DISP1: variants seen among roughly 807,000 people sequenced by gnomAD.
DISP1 encodes the protein dispatched RND transporter family member 1, also known as protein dispatched homolog 1.
In DISP1, 30 loss-of-function variants were observed where a neutral mutation model predicts 37.3. The ratio of observed to expected loss-of-function variants is 0.80; its 90% CI spans 0.60 to 1.09. The LOEUF (loss-of-function observed/expected upper bound fraction) is 1.09, where lower values mean the gene tolerates loss of function less well. Among genes scored for constraint, DISP1 ranks in the 50% least tolerant of loss-of-function variants. The pLI is 0.00. For synonymous variants in DISP1, 634 were observed against 690.2 expected (o/e 0.92, Z 1.28); for missense variants, 1,598 against 1,879.5 (o/e 0.85, Z 2.77).
chr1:222,977,782 A>G (rs1227043071), intron 3 of DISP1, among the ~76,000 whole-genome samples: 2 of 151,684 alleles, frequency 1.3e-5, no homozygotes, highest in African/African-American at 4.8e-5. Context: ...GAGAACATGC[A>G]GTGTTTGGTT....
intron 1 of DISP1, among the ~76,000 whole-genome samples, chr1:222,882,206 A>T (rs563838332): frequency 6.6e-6 from 1 of 152,176 alleles, no homozygotes; most frequent in Non-Finnish European, 1.5e-5. Flanking sequence ...TGTTTACCAT[A>T]TGTATTCATG....
At chr1:222,969,370 C>CAAAAAAAAAAAAAAAAA (rs71178518) in intron 3 of DISP1, among the ~76,000 whole-genome samples, 7 of 29,870 alleles carry the variant, frequency 2.3e-4, no homozygotes, top group South Asian at 2.0e-3. Context: ...AACTTGGTCT[C>CAAAAAAAAAAAAAAAAA]AAAAAAAAAA....
intron 3 of DISP1, among the ~76,000 whole-genome samples, chr1:222,959,157 T>A (rs1375985828): frequency 1.3e-5 from 2 of 152,218 alleles, no homozygotes; most frequent in Admixed American, 6.5e-5. Context: ...AAGAATTTTT[T>A]AAAATTATGA....
chr1:222,936,579 CAT>C (rs1437419206), intron 2 of DISP1, among the ~76,000 whole-genome samples: 1 of 17,074 alleles, frequency 5.9e-5, no homozygotes, highest in Non-Finnish European at 1.2e-4. Context: ...TAATATATAT[CAT>C]ATATATGAGA....
intron 4 of DISP1, among the ~76,000 whole-genome samples, chr1:222,990,232 T>C (rs1250451705): frequency 6.6e-6 from 1 of 152,238 alleles, no homozygotes; most frequent in East Asian, 1.9e-4. Flanking sequence ...AAGACACTGA[T>C]TGGAGTATGG....
At chr1:222,942,607 C>G (rs1472670370) in intron 2 of DISP1, among the ~76,000 whole-genome samples, 200 bp from the exon 3 acceptor site, 2 of 151,910 alleles carry the variant, frequency 1.3e-5, no homozygotes, top group Non-Finnish European at 2.9e-5. Flanking sequence ...TTTTAAGGTG[C>G]CTAAAATAGC....
Position 223,005,251 on chromosome 1 carries a change from A to G in DISP1, c.3854A>G (p.His1285Arg), listed in dbSNP as rs1249332552. 6.2e-7 allele frequency: 1 copy of G among 1,613,768 alleles called. No homozygotes were observed. The highest frequency in any genetic ancestry group is 8.5e-7 in the Non-Finnish European group (1 of 1,179,992). ...TACAAACACTTGAACTATGGCCCACACTCTTGCCAGCAGATGGGGGACTGC... is the reference window on the plus strand; with the variant it reads ...TACAAACACTTGAACTATGGCCCACGCTCTTGCCAGCAGATGGGGGACTGC... Reference protein sequence around the residue: ...DAYKHLNYGPHSCQQMGDCLC... With the variant: ...DAYKHLNYGPRSCQQMGDCLC... The change falls in exon 9 of 9, where the codon CAC becomes CGC. Residue 1285 changes from histidine to arginine, a missense_variant. His to Arg is a conservative substitution (Grantham distance 29). Coordinates refer to ENST00000675850, the MANE Select transcript of DISP1 (RefSeq NM_001377229.1).
intron 1 of DISP1, among the ~76,000 whole-genome samples, chr1:222,877,074 GCTT>G (rs1322828920): frequency 2.0e-5 from 3 of 152,146 alleles, no homozygotes; most frequent in East Asian, 3.9e-4. Flanking sequence ...TTCTGTCTCT[GCTT>G]CTTCGTGATT....
At chr1:222,866,586 G>A (rs533604460) in intron 1 of DISP1, among the ~76,000 whole-genome samples, 82 of 152,050 alleles carry the variant, frequency 5.4e-4, no homozygotes, top group African/African-American at 1.9e-3. Context: ...CTTGTGATCC[G>A]CCCCACTAGG....
chr1:222,990,748 G>A lies in DISP1; in HGVS notation c.663G>A (p.Leu221=). The part of the protein sequence containing the change: ...PELPDFSDPL[L]GFEPRGTAIG... ...TCCCTGACTTCTCTGATCCATTGCT[G>A]GTAACTAACTTTTATGTTTTCTTTA... Residue 221 remains leucine (L), a splice_region_variant and synonymous_variant, in exon 5 of 9, where the codon CTG becomes CTA. Transcript: ENST00000675850. 6.2e-7 allele frequency: 1 copy of A among 1,613,836 alleles called. No individual in the cohort carries two copies. Among genetic ancestry groups the A allele is most frequent in the Non-Finnish European group, 8.5e-7 (1 of 1,179,900 alleles).
At chr1:222,840,721 C>G (rs1667555606) in intron 1 of DISP1, among the ~76,000 whole-genome samples, 1 of 148,782 alleles carries the variant, frequency 6.7e-6, no homozygotes, top group Non-Finnish European at 1.5e-5. Context: ...CGCCACCACA[C>G]CCGGCTAATT....
intron 1 of DISP1, among the ~76,000 whole-genome samples, chr1:222,870,286 A>G (rs370899010): frequency 6.6e-6 from 1 of 152,128 alleles, no homozygotes; most frequent in Non-Finnish European, 1.5e-5. Context: ...ATGATTTATA[A>G]TCCTTTGGGT....
At chr1:222,819,815 A>G (rs1346290356) in intron 1 of DISP1, among the ~76,000 whole-genome samples, 1 of 152,190 alleles carries the variant, frequency 6.6e-6, no homozygotes, top group African/African-American at 2.4e-5. Context: ...TGCTGGGATT[A>G]CAGGCATGAG....
At chr1:222,819,147 C>A (rs1043844058) in intron 1 of DISP1, among the ~76,000 whole-genome samples, 3 of 152,124 alleles carry the variant, frequency 2.0e-5, no homozygotes, top group Admixed American at 1.3e-4. Context: ...TCCCACCTGC[C>A]CCTGTGCTCG....
chr1:222,959,802 GAA>G (rs529076766), intron 3 of DISP1, among the ~76,000 whole-genome samples: 1 of 121,046 alleles, frequency 8.3e-6, no homozygotes. Context: ...AAATGGGGAA[GAA>G]AAAAAAAAAA....
chr1:222,841,145 A>G (rs944004429), intron 1 of DISP1, among the ~76,000 whole-genome samples: 1 of 152,216 alleles, frequency 6.6e-6, no homozygotes, highest in Non-Finnish European at 1.5e-5. Flanking sequence ...TAATTAGTGT[A>G]GTACATACCT....
chr1:222,899,259 C>A (rs896365161), intron 1 of DISP1, among the ~76,000 whole-genome samples: 3 of 152,018 alleles, frequency 2.0e-5, no homozygotes, highest in Non-Finnish European at 4.4e-5. Flanking sequence ...GTGGGGGGAG[C>A]AAGAAAATAG....
chr1:222,871,109 G>A lies in DISP1; in HGVS notation c.-159+56031G>A, dbSNP rs563502479. Among the ~76,000 whole-genome samples, 22 of 151,800 alleles carry A rather than the reference G, an allele frequency of 1.4e-4. No homozygotes were observed. In the East Asian group the frequency reaches 3.1e-3, roughly 21 times the overall value. ...AAAGATCAGATAGTTGTAGATACGCGGCATTATTTCTAAGGGCTCTGTTCT... is the reference window on the plus strand; with the variant it reads ...AAAGATCAGATAGTTGTAGATACGCAGCATTATTTCTAAGGGCTCTGTTCT... On this transcript the variant is annotated intron_variant, in intron 1 of 8. Coordinates refer to ENST00000675850, the MANE Select transcript of DISP1 (RefSeq NM_001377229.1).
chr1:222,976,586 A>C (rs996298229), intron 3 of DISP1, among the ~76,000 whole-genome samples: 6 of 151,982 alleles, frequency 3.9e-5, no homozygotes, highest in African/African-American at 1.4e-4. Flanking sequence ...GACAGTCTCT[A>C]CTTACTGTCT....
Sources: allele counts gnomAD v4.1 joint callset (sites outside exome capture counted in the v4.1 genomes callset), GRCh38; gene constraint gnomAD v4.1.1; transcripts MANE v1.5; gene names NCBI Gene and HGNC (gene_info 2026-07-23, HGNC 2026-07-21).